Variants in PTPN14 observed in about 807,000 individuals in gnomAD.
PTPN14 encodes the protein tyrosine-protein phosphatase non-receptor type 14.
PTPN14 carries 53 observed loss-of-function variants against 126.8 expected under a neutral mutation model. The ratio of observed to expected loss-of-function variants is 0.42; its 90% CI spans 0.34 to 0.53. The LOEUF is 0.53. Among genes scored for constraint, PTPN14 ranks in the 20% least tolerant of loss-of-function variants. The pLI is 0.08. For missense variants in PTPN14, 1,257 were observed against 1,552.9 expected, an observed-to-expected ratio of 0.81 and a Z score of 3.20; for synonymous variants, 630 against 599.3, an observed-to-expected ratio of 1.05 and a Z score of -0.75.
intron 16 of PTPN14, among the ~76,000 whole-genome samples, chr1:214,371,322 G>T (rs1044767573): frequency 2.0e-5 from 3 of 152,130 alleles, no homozygotes; most frequent in Admixed American, 6.5e-5. Flanking sequence ...CAGCCTTCCA[G>T]CAAGTGTGCA....
At chr1:214,534,733 A>AATAAATAAATAAATAAATAAATAC (rs1312992668) in intron 1 of PTPN14, among the ~76,000 whole-genome samples, 1 of 151,746 alleles carries the variant, frequency 6.6e-6, no homozygotes, top group Non-Finnish European at 1.5e-5. Flanking sequence ...TAAATAAATA[A>AATAAATAAATAAATAAATAAATAC]ATAAATAAAA....
At chr1:214,387,475 C>T (rs1158813625) in intron 11 of PTPN14, among the ~76,000 whole-genome samples, 1 of 151,990 alleles carries the variant, frequency 6.6e-6, no homozygotes, top group South Asian at 2.1e-4. Context: ...CGTGCCACTG[C>T]ACTTCAGGTT....
intron 18 of PTPN14, among the ~76,000 whole-genome samples, chr1:214,359,791 C>T (rs992773059): frequency 2.4e-4 from 37 of 152,224 alleles, no homozygotes; most frequent in African/African-American, 8.9e-4. Context: ...AAAGTCTTAG[C>T]ATTATGGGCA....
intron 1 of PTPN14, among the ~76,000 whole-genome samples, chr1:214,487,378 C>CA (rs1006724763): frequency 5.9e-5 from 9 of 152,128 alleles, no homozygotes; most frequent in African/African-American, 1.9e-4. Flanking sequence ...GTAATCCCAG[C>CA]ATGTTGGGAG....
intron 1 of PTPN14, among the ~76,000 whole-genome samples, chr1:214,516,218 T>C (rs1655099278): frequency 6.6e-6 from 1 of 152,202 alleles, no homozygotes; most frequent in Admixed American, 6.5e-5. Flanking sequence ...GTCTTCACCC[T>C]TCCTTTTTTC....
chr1:214,383,605 A>G lies in PTPN14; in HGVS notation c.2250T>C (p.Pro750=), dbSNP rs758616058. Residue 750 remains proline, a synonymous_variant, in exon 13 of 19, where the codon CCT becomes CCC. Coordinates refer to ENST00000366956, the MANE Select transcript of PTPN14 (RefSeq NM_005401.5). The surrounding 1 kb of genome is among the most constrained non-coding windows in gnomAD (Gnocchi z 4.4). The part of the protein sequence containing the change: ...ALARIPNKPP[P]EYPGPRKSVS... ...CACTCTTCCTTGGACCGGGGTACTC[A>G]GGCGGGGGCTTGTTGGGGATGCGGG... is the stretch of plus-strand genomic sequence containing the variant. 1 of 1,613,408 alleles carries G rather than the reference A, an allele frequency of 6.2e-7. No homozygotes were observed.
At chr1:214,487,173 C>G (rs1296872105) in intron 1 of PTPN14, among the ~76,000 whole-genome samples, 2 of 151,778 alleles carry the variant, frequency 1.3e-5, no homozygotes, top group African/African-American at 4.8e-5. Flanking sequence ...CCTAAAGTCA[C>G]TAATTCATGG....
In PTPN14 at chr1:214,451,985, G is replaced by A; in HGVS notation, c.175-11C>T. ...GCCAAAGTAGTGCGTCTAGATAAAAGGGTAAAATAGCATCAGTTCATGCTC... is the reference window on the plus strand; with the variant it reads ...GCCAAAGTAGTGCGTCTAGATAAAAAGGTAAAATAGCATCAGTTCATGCTC... On this transcript the variant is annotated splice_polypyrimidine_tract_variant and intron_variant, in intron 2 of 18. Transcript: ENST00000366956. 1 of 1,610,348 alleles carries A rather than the reference G, an allele frequency of 6.2e-7. No homozygotes were observed. The highest frequency in any genetic ancestry group is 8.5e-7 in the Non-Finnish European group (1 of 1,178,170).
chr1:214,395,916 C>T (rs1214011695), intron 8 of PTPN14, among the ~76,000 whole-genome samples: 1 of 152,046 alleles, frequency 6.6e-6, no homozygotes, highest in African/African-American at 2.4e-5. Flanking sequence ...TTCATCATAT[C>T]CCCCTACCCA....
At chr1:214,484,528 T>C (rs1661070598) in intron 1 of PTPN14, among the ~76,000 whole-genome samples, 2 of 152,210 alleles carry the variant, frequency 1.3e-5, no homozygotes, top group South Asian at 4.1e-4. Flanking sequence ...CTTCAAATCA[T>C]TGAGAAAACA....
At chr1:214,536,178 G>T (rs1655699999) in intron 1 of PTPN14, among the ~76,000 whole-genome samples, 1 of 151,408 alleles carries the variant, frequency 6.6e-6, no homozygotes, top group Non-Finnish European at 1.5e-5. Flanking sequence ...GGGTGGGGGT[G>T]GGGGAGATAA....
intron 1 of PTPN14, among the ~76,000 whole-genome samples, chr1:214,517,735 A>G (rs1655145231): frequency 6.6e-6 from 1 of 152,132 alleles, no homozygotes; most frequent in Non-Finnish European, 1.5e-5. Context: ...GCTTGAGCTC[A>G]GGAGTTTGAG....
chr1:214,388,547 C>T (rs1246461611), intron 11 of PTPN14, among the ~76,000 whole-genome samples: 1 of 152,048 alleles, frequency 6.6e-6, no homozygotes, highest in Admixed American at 6.6e-5. Context: ...GCTGGGATTA[C>T]AGACGCTGTG....
At chr1:214,523,905 A>C (rs890804968) in intron 1 of PTPN14, among the ~76,000 whole-genome samples, 6 of 146,778 alleles carry the variant, frequency 4.1e-5, no homozygotes, top group African/African-American at 1.5e-4. Flanking sequence ...GCTGGAGTGC[A>C]GTGGTACAAT....
At chr1:214,431,423 A>G (rs148968172) in intron 3 of PTPN14, among the ~76,000 whole-genome samples, 1 of 152,344 alleles carries the variant, frequency 6.6e-6, no homozygotes, top group Non-Finnish European at 1.5e-5. Flanking sequence ...AATCTTCACA[A>G]GAGCTTCTGT....
intron 1 of PTPN14, among the ~76,000 whole-genome samples, chr1:214,517,563 T>C (rs1472460331): frequency 2.7e-5 from 4 of 147,496 alleles, no homozygotes; most frequent in Admixed American, 6.7e-5. Context: ...TAAATGAAAA[T>C]ATGCAGGAAC....
intron 5 of PTPN14, among the ~76,000 whole-genome samples, chr1:214,409,638 C>T (rs1659254198): frequency 6.6e-6 from 1 of 152,136 alleles, no homozygotes; most frequent in African/African-American, 2.4e-5. Context: ...CAAGGAACCT[C>T]TACACTGTTT....
Position 214,383,704 on chromosome 1 carries a change from A to G in PTPN14, c.2151T>C (p.Ala717=), listed in dbSNP as rs1270714607. The G allele has an allele frequency of 8.1e-6, 13 of 1,613,294 alleles. No homozygotes were observed. The highest frequency in any genetic ancestry group is 2.7e-5 in the African/African-American group (2 of 74,948). ...SSESEEEEEE[A]PESVPQIPML... ...TGGGGATCTGGGGCACCGATTCTGGAGCCTCCTCCTCCTCCTCCTCACTCT... is the reference window on the plus strand; with the variant it reads ...TGGGGATCTGGGGCACCGATTCTGGGGCCTCCTCCTCCTCCTCCTCACTCT... Residue 717 remains alanine, a synonymous_variant, in exon 13 of 19, where the codon GCT becomes GCC. Transcript: ENST00000366956. The surrounding 1 kb of genome is among the most constrained non-coding windows in gnomAD (Gnocchi z 4.4).
At chr1:214,527,854 T>C (rs909226370) in intron 1 of PTPN14, among the ~76,000 whole-genome samples, 4 of 152,200 alleles carry the variant, frequency 2.6e-5, no homozygotes, top group Non-Finnish European at 5.9e-5. Context: ...GCTTTTTTAC[T>C]AAAAGTCTGT....
Sources: allele counts gnomAD v4.1 joint callset (sites outside exome capture counted in the v4.1 genomes callset), GRCh38; gene constraint gnomAD v4.1.1; non-coding constraint Gnocchi (gnomAD v3.1); transcripts MANE v1.5; gene names NCBI Gene and HGNC (gene_info 2026-07-23, HGNC 2026-07-21).